Variants in PTPN9 observed in about 807,000 individuals in gnomAD.
PTPN9 encodes the protein tyrosine-protein phosphatase non-receptor type 9.
Under a neutral mutation model 69.8 loss-of-function variants are expected in PTPN9, and 26 were observed. The ratio of observed to expected loss-of-function variants is 0.37; its 90% CI spans 0.27 to 0.52. The LOEUF (loss-of-function observed/expected upper bound fraction) is 0.52. Among genes scored for constraint, PTPN9 ranks in the 20% least tolerant of loss-of-function variants. The probability of loss-of-function intolerance (pLI) is 0.91; values close to 1 mark genes in which losing one functional copy is unlikely to be tolerated. For synonymous variants in PTPN9, 274 were observed against 272.5 expected, an observed-to-expected ratio of 1.01 and a Z score of -0.05; for missense variants, 549 against 740.3, an observed-to-expected ratio of 0.74 and a Z score of 3.00.
At chr15:75,535,466 T>C (rs1042175592) in intron 1 of PTPN9, among the ~76,000 whole-genome samples, 6 of 152,090 alleles carry the variant, frequency 3.9e-5, no homozygotes, top group African/African-American at 1.4e-4. Flanking sequence ...AGGCACAAGC[T>C]CCTTTTAACA....
At chr15:75,498,865 T>A (rs574605124) in intron 7 of PTPN9, among the ~76,000 whole-genome samples, 1 of 152,292 alleles carries the variant, frequency 6.6e-6, no homozygotes, top group African/African-American at 2.4e-5. Flanking sequence ...TACACAAACC[T>A]ACATGTGTGA....
chr15:75,554,647 CA>C (rs2075069729), intron 1 of PTPN9, among the ~76,000 whole-genome samples: 1 of 152,116 alleles, frequency 6.6e-6, no homozygotes, highest in East Asian at 1.9e-4. Flanking sequence ...CTTTCAAATC[CA>C]AAAAGGCCCT....
chr15:75,516,203 A>G (rs181664124), intron 5 of PTPN9, among the ~76,000 whole-genome samples: 1 of 152,090 alleles, frequency 6.6e-6, no homozygotes, highest in African/African-American at 2.4e-5. Flanking sequence ...AGTGTTTCAG[A>G]TTTTGAATTT....
intron 5 of PTPN9, among the ~76,000 whole-genome samples, chr15:75,516,402 C>CACA (rs2074869742): frequency 6.7e-6 from 1 of 149,770 alleles, no homozygotes; most frequent in African/African-American, 2.5e-5. Flanking sequence ...CTCCCGGATT[C>CACA]ACACCATTCT....
chr15:75,550,447 T>TG (rs1235412619), intron 1 of PTPN9, among the ~76,000 whole-genome samples: 1 of 146,332 alleles, frequency 6.8e-6, no homozygotes, highest in East Asian at 2.3e-4. Flanking sequence ...ATTACAGGCG[T>TG]GAGCCACCAT....
At chr15:75,554,552 C>G (rs539334870) in intron 1 of PTPN9, among the ~76,000 whole-genome samples, 6 of 151,296 alleles carry the variant, frequency 4.0e-5, no homozygotes, top group African/African-American at 1.5e-4. Context: ...GTCTCAAACT[C>G]CTGGACTCAA....
intron 1 of PTPN9, among the ~76,000 whole-genome samples, chr15:75,550,883 C>G (rs1417848893): frequency 6.6e-6 from 1 of 151,910 alleles, no homozygotes; most frequent in African/African-American, 2.4e-5. Flanking sequence ...TAGGCTCAAG[C>G]GATCTTCCTT....
intron 7 of PTPN9, among the ~76,000 whole-genome samples, chr15:75,491,434 CAGAG>C (rs1028065329): frequency 6.0e-5 from 9 of 150,262 alleles, no homozygotes; most frequent in South Asian, 2.1e-4. Flanking sequence ...AATTTAAAAA[CAGAG>C]AGAAGGAGTG....
intron 8 of PTPN9, among the ~76,000 whole-genome samples, chr15:75,485,349 C>T (rs1041121521): frequency 6.8e-6 from 1 of 146,000 alleles, no homozygotes; most frequent in Non-Finnish European, 1.5e-5. Context: ...AAAGAATTGT[C>T]ACTTCTTTTT....
At chr15:75,523,272 A>C in intron 3 of PTPN9, 27 bp from the exon 4 acceptor site, 11 of 1,606,234 alleles carry the variant, frequency 6.8e-6, no homozygotes, top group Non-Finnish European at 9.3e-6. Context: ...AAGAAACATT[A>C]AAAAAATCAA....
chr15:75,540,458 C>T (rs1197919152), intron 1 of PTPN9, among the ~76,000 whole-genome samples: 5 of 149,366 alleles, frequency 3.3e-5, no homozygotes, highest in African/African-American at 1.2e-4. Flanking sequence ...GAGGCTGAAG[C>T]AGGAGAATCG....
chr15:75,562,296 T>A (rs1238019802), intron 1 of PTPN9, among the ~76,000 whole-genome samples: 1 of 152,232 alleles, frequency 6.6e-6, no homozygotes, highest in Admixed American at 6.5e-5. Context: ...CAGTGACATC[T>A]TGGAACAATA....
At chr15:75,554,368 A>G (rs1302166751) in intron 1 of PTPN9, among the ~76,000 whole-genome samples, 6 of 151,652 alleles carry the variant, frequency 4.0e-5, no homozygotes, top group Admixed American at 1.3e-4. Context: ...CTAATTTTGT[A>G]TTTTTAGTAG....
intron 10 of PTPN9, 138 bp from the exon 11 acceptor site, chr15:75,470,968 G>A: frequency 9.2e-7 from 1 of 1,085,162 alleles, no homozygotes; most frequent in African/African-American, 1.6e-5. Flanking sequence ...TTGATTCTCA[G>A]CAGAAAGGAA....
At chr15:75,530,418 ATAT>A (rs1005136972) in intron 1 of PTPN9, among the ~76,000 whole-genome samples, 1 of 108,612 alleles carries the variant, frequency 9.2e-6, no homozygotes. Context: ...ATATTATTAT[ATAT>A]TATATTATAA....
chr15:75,528,797 C>T (rs796069543), intron 1 of PTPN9, among the ~76,000 whole-genome samples: 4 of 150,976 alleles, frequency 2.6e-5, no homozygotes, highest in African/African-American at 9.7e-5. Flanking sequence ...AACTCCTGGG[C>T]TCAAGGGATC....
chr15:75,510,374 T>C (rs890970125), intron 5 of PTPN9, among the ~76,000 whole-genome samples: 3 of 152,082 alleles, frequency 2.0e-5, no homozygotes, highest in African/African-American at 7.2e-5. Context: ...GGCTCCCAAG[T>C]AACTGGGACT....
chr15:75,521,179 C>A (rs1013753865), intron 4 of PTPN9, among the ~76,000 whole-genome samples: 2 of 145,356 alleles, frequency 1.4e-5, no homozygotes, highest in African/African-American at 2.5e-5. Flanking sequence ...GGCACGGTGG[C>A]TCACGCCTGT....
At chr15:75,521,180 TCACGCCTGTAATCCCAA>T (rs1473428144) in intron 4 of PTPN9, among the ~76,000 whole-genome samples, 6 of 141,014 alleles carry the variant, frequency 4.3e-5, no homozygotes, top group Non-Finnish European at 7.8e-5. Context: ...GCACGGTGGC[TCACGCCTGTAATCCCAA>T]CACTTTGGGA....
Sources: allele counts gnomAD v4.1 joint callset (sites outside exome capture counted in the v4.1 genomes callset), GRCh38; gene constraint gnomAD v4.1.1; transcripts MANE v1.5; gene names NCBI Gene and HGNC (gene_info 2026-07-23, HGNC 2026-07-21).